RLF: variants seen among roughly 807,000 people sequenced by gnomAD.
RLF encodes the protein RLF zinc finger.
Under a neutral mutation model 162.9 loss-of-function variants are expected in RLF, and 7 were observed. The ratio of observed to expected loss-of-function variants is 0.04; its 90% CI spans 0.02 to 0.08. The LOEUF (loss-of-function observed/expected upper bound fraction) is 0.08, where lower values mean the gene tolerates loss of function less well. Ranked by LOEUF, RLF falls within the 10% of genes least tolerant of loss-of-function variation. The pLI, the probability that RLF is intolerant of heterozygous loss-of-function variation, is 1.00. For missense variants in RLF, 1,664 were observed against 2,244.7 expected (o/e 0.74, Z 5.23); for synonymous variants, 782 against 791.5 (o/e 0.99, Z 0.20).
intron 6 of RLF, among the ~76,000 whole-genome samples, chr1:40,224,478 T>C (rs1643037278): frequency 6.7e-6 from 1 of 150,200 alleles, no homozygotes. Context: ...GGTTTCACCA[T>C]GTTGGTCAGG....
chr1:40,172,941 A>T (rs1642265235), intron 1 of RLF, among the ~76,000 whole-genome samples: 1 of 152,208 alleles, frequency 6.6e-6, no homozygotes, highest in Non-Finnish European at 1.5e-5. Flanking sequence ...TACTTCCGCC[A>T]ATAGTGTTTG....
chr1:40,163,439 A>G (rs533326213), intron 1 of RLF, among the ~76,000 whole-genome samples: 1 of 152,322 alleles, frequency 6.6e-6, no homozygotes, highest in Admixed American at 6.5e-5. Context: ...AAGCTTGTCA[A>G]AGGATCACAT....
intron 5 of RLF, among the ~76,000 whole-genome samples, chr1:40,217,214 C>A (rs1570551914): frequency 6.6e-6 from 1 of 152,090 alleles, no homozygotes; most frequent in East Asian, 1.9e-4. Flanking sequence ...GCCTATAATC[C>A]TAGCTCTTTG....
At chr1:40,182,011 A>G (rs1642410412) in intron 1 of RLF, among the ~76,000 whole-genome samples, 1 of 152,242 alleles carries the variant, frequency 6.6e-6, no homozygotes, top group Non-Finnish European at 1.5e-5. Flanking sequence ...TAAATAAATA[A>G]TTGGGTAATA....
At position 40,239,208 on chromosome 1, in the gene RLF, T is replaced by C. The variant is rs1425286683; in HGVS notation, c.4506T>C (p.His1502=). The change falls in exon 8 of 8, where the codon CAT becomes CAC. Residue 1502 remains histidine, a synonymous_variant. Transcript: ENST00000372771. ...KVCQTADTQG[H]EHQTTRRSFN... ...GTCAAACAGCTGATACTCAGGGGCATGAACATCAGACCACCAGGAGATCAT... is the reference window on the plus strand; with the variant it reads ...GTCAAACAGCTGATACTCAGGGGCACGAACATCAGACCACCAGGAGATCAT... 1 of 1,614,158 alleles carries C rather than the reference T, an allele frequency of 6.2e-7. No homozygotes were observed. Among genetic ancestry groups the C allele is most frequent in the Non-Finnish European group, 8.5e-7 (1 of 1,180,026 alleles).
chr1:40,191,727 G>A (rs913837526), intron 3 of RLF, among the ~76,000 whole-genome samples: 4 of 152,080 alleles, frequency 2.6e-5, no homozygotes, highest in Middle Eastern at 3.4e-3. Context: ...AATAGGACTC[G>A]TCTCTAAAAA....
chr1:40,201,775 C>T (rs1252144438), intron 4 of RLF, among the ~76,000 whole-genome samples: 1 of 152,084 alleles, frequency 6.6e-6, no homozygotes, highest in East Asian at 1.9e-4. Context: ...TGTACTGAAC[C>T]AGGAACACAT....
Position 40,195,694 on chromosome 1 carries a change from C to T in RLF, c.537C>T (p.Thr179=). The change falls in exon 4 of 8, where the codon ACC becomes ACT. Residue 179 remains threonine, a synonymous_variant. Coordinates refer to ENST00000372771, the MANE Select transcript of RLF (RefSeq NM_012421.4). ...NNNLQILVHV[T]KEGVWKNPVL... ...ACCTACAAATATTGGTTCATGTTAC[C>T]AAGGAAGGGGTGTGGAAAAACCCAG... 1.2e-6 allele frequency: 2 copies of T among 1,613,186 alleles called. No individual in the cohort carries two copies. Among genetic ancestry groups the T allele is most frequent in the East Asian group, 2.2e-5 (1 of 44,800 alleles).
chr1:40,181,331 G>A (rs777700405), intron 1 of RLF, among the ~76,000 whole-genome samples: 8 of 152,178 alleles, frequency 5.3e-5, no homozygotes, highest in Non-Finnish European at 1.0e-4. Flanking sequence ...TTGGGAGAAC[G>A]AGACAGGAGA....
intron 4 of RLF, among the ~76,000 whole-genome samples, chr1:40,200,667 T>G (rs61780459): frequency 1.8e-4 from 28 of 151,806 alleles, no homozygotes; most frequent in Admixed American, 5.9e-4. Flanking sequence ...TTTCTCAGGG[T>G]GGGAAACCAG....
At position 40,200,867 on chromosome 1, in the gene RLF, TACACACACACACACACACACACAC is replaced by T. The variant is rs71060356; in HGVS notation, c.608-1496_608-1473del. ...TCCTTAGTATAAACCATTGCTACTC[TACACACACACACACACACACACAC>T]ACACACACACACACACACACACACA... On this transcript the variant is annotated intron_variant, in intron 4 of 7. Coordinates refer to ENST00000372771, the MANE Select transcript of RLF (RefSeq NM_012421.4). Among the ~76,000 whole-genome samples, 340 of 34,846 alleles carry T rather than the reference TACACACACACACACACACACACAC, an allele frequency of 9.8e-3. 1 individual carries two copies. The highest frequency in any genetic ancestry group is 0.017 in the African/African-American group (141 of 8,406). 22.9% of individuals were successfully genotyped at this position (34,846 alleles called of 152,430 possible).
intron 5 of RLF, among the ~76,000 whole-genome samples, chr1:40,203,755 T>A (rs1642751351): frequency 6.6e-6 from 1 of 152,134 alleles, no homozygotes; most frequent in African/African-American, 2.4e-5. Flanking sequence ...TACTCTGAAC[T>A]GAAATTTTTT....
chr1:40,161,791 C>T lies in RLF; in HGVS notation c.237+155C>T, dbSNP rs1642089059. On this transcript the variant is annotated intron_variant, in intron 1 of 7. Coordinates refer to ENST00000372771, the MANE Select transcript of RLF (RefSeq NM_012421.4). The surrounding 1 kb of genome is among the most constrained non-coding windows in gnomAD (Gnocchi z 4.4). ...GGGAAGGCCCAGCTCGGAAGCTCGACCGCTGGCCCCCCTGCGCCACTGCCC... is the reference window on the plus strand; with the variant it reads ...GGGAAGGCCCAGCTCGGAAGCTCGATCGCTGGCCCCCCTGCGCCACTGCCC... 6.6e-6 allele frequency among the ~76,000 whole-genome samples: 1 copy of T among 152,224 alleles called. No individual in the cohort carries two copies.
chr1:40,194,840 T>G (rs1044489539), intron 3 of RLF, among the ~76,000 whole-genome samples: 8 of 142,046 alleles, frequency 5.6e-5, no homozygotes, highest in Middle Eastern at 3.6e-3. Context: ...ATTTATTTAT[T>G]TATTTATTTA....
chr1:40,162,123 C>T (rs1379823338), intron 1 of RLF, among the ~76,000 whole-genome samples: 2 of 151,072 alleles, frequency 1.3e-5, no homozygotes, highest in Non-Finnish European at 2.9e-5. Context: ...CAGTTGGCTT[C>T]GAAAGGCGTC....
intron 1 of RLF, among the ~76,000 whole-genome samples, chr1:40,178,621 T>TTTTTTGTTTTG (rs1642361364): frequency 6.9e-6 from 1 of 145,974 alleles, no homozygotes; most frequent in African/African-American, 2.6e-5. Context: ...TCTTTGGTGT[T>TTTTTTGTTTTG]TTTTTTTTTT....
At chr1:40,177,967 AG>A in intron 1 of RLF, 1 of 154,276 alleles carries the variant, frequency 6.5e-6, no homozygotes, top group South Asian at 2.0e-4. Flanking sequence ...TCTCAGGCCA[AG>A]GATGTCGTCG....
At chr1:40,171,091 A>G (rs886913222) in intron 1 of RLF, among the ~76,000 whole-genome samples, 1 of 152,146 alleles carries the variant, frequency 6.6e-6, no homozygotes, top group Non-Finnish European at 1.5e-5. Context: ...CAGTGGTACA[A>G]TCTTAGCTTA....
rs760297325 is a variant in RLF at position 40,161,414 on chromosome 1, G to A, written c.15G>A (p.Lys5=). The part of the protein sequence containing the change: MADG[K]GDAAAVAGAG... ...GCCGTGGGAAGATGGCGGACGGAAAGGGAGACGCCGCCGCTGTCGCCGGGG... is the reference window on the plus strand; with the variant it reads ...GCCGTGGGAAGATGGCGGACGGAAAAGGAGACGCCGCCGCTGTCGCCGGGG... The change falls in exon 1 of 8, where the codon AAG becomes AAA. Residue 5 remains lysine, a synonymous_variant. Coordinates refer to ENST00000372771, the MANE Select transcript of RLF (RefSeq NM_012421.4). The surrounding 1 kb of genome is among the most constrained non-coding windows in gnomAD (Gnocchi z 4.4). 205 of 1,546,890 alleles carry A rather than the reference G, an allele frequency of 1.3e-4. 1 individual carries two copies. The highest frequency in any genetic ancestry group is 1.8e-4 in the Middle Eastern group (1 of 5,662).
Sources: gnomAD v4.1 joint callset for allele counts (sites outside exome capture counted in the v4.1 genomes callset) on GRCh38, gnomAD v4.1.1 for gene constraint, Gnocchi (gnomAD v3.1) non-coding constraint, MANE v1.5 for transcripts, NCBI Gene and HGNC (gene_info 2026-07-23, HGNC 2026-07-21) for gene names.